The following KCNN2 variants were observed in gnomAD, a reference collection of about 807,000 sequenced individuals.
KCNN2 encodes potassium calcium-activated channel subfamily N member 2.
Under a neutral mutation model 55.5 loss-of-function variants are expected in KCNN2, and 24 were observed. The ratio of observed to expected loss-of-function variants is 0.43; its 90% CI spans 0.31 to 0.61. KCNN2 has a LOEUF of 0.61. Ranked by LOEUF, KCNN2 falls within the 20% of genes least tolerant of loss-of-function variation. The pLI, the probability that KCNN2 is intolerant of heterozygous loss-of-function variation, is 0.08. For missense variants in KCNN2, 754 were observed against 853.6 expected, an observed-to-expected ratio of 0.88 and a Z score of 1.45; for synonymous variants, 431 against 336.1, an observed-to-expected ratio of 1.28 and a Z score of -3.09.
intron 1 of KCNN2, among the ~76,000 whole-genome samples, chr5:114,153,819 C>T (rs1221417345): frequency 1.3e-5 from 2 of 152,172 alleles, no homozygotes; most frequent in African/African-American, 2.4e-5. Flanking sequence ...CAAACGATCT[C>T]CAGGAAGAGA....
At chr5:114,441,423 A>G (rs1304245292) in intron 3 of KCNN2, among the ~76,000 whole-genome samples, 1 of 152,188 alleles carries the variant, frequency 6.6e-6, no homozygotes, top group Non-Finnish European at 1.5e-5. Flanking sequence ...ACCATATGTG[A>G]TGCCATAAAA....
intron 5 of KCNN2, among the ~76,000 whole-genome samples, chr5:114,473,733 A>G (rs1761853352): frequency 6.6e-6 from 1 of 152,224 alleles, no homozygotes; most frequent in Admixed American, 6.5e-5. Flanking sequence ...ACAATGTTTA[A>G]GAGCACTTTC....
At chr5:114,419,023 G>A (rs550556579) in intron 3 of KCNN2, among the ~76,000 whole-genome samples, 42 of 152,266 alleles carry the variant, frequency 2.8e-4, no homozygotes, top group Non-Finnish European at 4.1e-4. Context: ...AATTTTTTTC[G>A]TAGCTCTTTA....
chr5:114,425,348 C>T (rs1759588961), intron 3 of KCNN2, among the ~76,000 whole-genome samples: 1 of 152,164 alleles, frequency 6.6e-6, no homozygotes, highest in South Asian at 2.1e-4. Flanking sequence ...AGGACCTACA[C>T]CAACAGTCAG....
At chr5:114,238,720 G>A (rs1288739013) in intron 2 of KCNN2, among the ~76,000 whole-genome samples, 2 of 152,082 alleles carry the variant, frequency 1.3e-5, no homozygotes, top group Non-Finnish European at 2.9e-5. Context: ...AGCTGGCATG[G>A]CAATTTATGT....
chr5:114,323,053 G>T (rs1756643599), intron 2 of KCNN2, among the ~76,000 whole-genome samples: 1 of 152,196 alleles, frequency 6.6e-6, no homozygotes, highest in Admixed American at 6.5e-5. Context: ...GTGAGAGCAT[G>T]CAGTATTTGG....
At position 114,201,036 on chromosome 5, in the gene KCNN2, A is replaced by G. The variant is rs1426842493; in HGVS notation, c.-270-20444A>G. On this transcript the variant is annotated intron_variant, in intron 1 of 10. Coordinates refer to the KCNN2 transcript ENST00000512097. ...TAGGAGCTTGTAGTGGGAGTGGTGG[A>G]CCCTGTGTGTGAGTGGGTTCTTAGG... Among the ~76,000 whole-genome samples, 3 of 151,562 alleles carry G rather than the reference A, an allele frequency of 2.0e-5. No individual in the cohort carries two copies. The South Asian group carries it at 6.3e-4, about 32-fold the overall frequency.
chr5:114,201,951 G>A (rs1368894690), intron 1 of KCNN2, among the ~76,000 whole-genome samples: 1 of 149,170 alleles, frequency 6.7e-6, no homozygotes, highest in Non-Finnish European at 1.5e-5. Context: ...ACCAGAAAGG[G>A]CAGGTCCCTC....
At chr5:114,188,670 T>A (rs2112560624) in intron 1 of KCNN2, among the ~76,000 whole-genome samples, 1 of 152,184 alleles carries the variant, frequency 6.6e-6, no homozygotes, top group South Asian at 2.1e-4. Context: ...TCTTATGCAA[T>A]AACTAATTAA....
chr5:114,456,006 C>T (rs1026928902), intron 3 of KCNN2, among the ~76,000 whole-genome samples: 13 of 152,136 alleles, frequency 8.5e-5, no homozygotes, highest in Non-Finnish European at 1.8e-4. Context: ...GCTGATGTGG[C>T]GACAGCAAGG....
intron 1 of KCNN2, among the ~76,000 whole-genome samples, chr5:114,095,687 C>G (rs531033396): frequency 6.6e-6 from 1 of 152,298 alleles, no homozygotes; most frequent in African/African-American, 2.4e-5. Context: ...CTGCTTAGTA[C>G]AGCAGGCTTC....
At chr5:114,067,814 A>G (rs971096732) in intron 1 of KCNN2, among the ~76,000 whole-genome samples, 5 of 152,214 alleles carry the variant, frequency 3.3e-5, no homozygotes, top group African/African-American at 1.2e-4. Context: ...ACAACTCTCT[A>G]TATTGTTAGC....
chr5:114,132,257 G>A (rs956724450), intron 1 of KCNN2, among the ~76,000 whole-genome samples: 1 of 152,120 alleles, frequency 6.6e-6, no homozygotes, highest in Non-Finnish European at 1.5e-5. Context: ...GGCTTTTATG[G>A]TTTTGGGTTT....
At chr5:114,442,020 A>G (rs1269714874) in intron 3 of KCNN2, among the ~76,000 whole-genome samples, 5 of 152,194 alleles carry the variant, frequency 3.3e-5, no homozygotes, top group African/African-American at 9.6e-5. Context: ...CTATTTTAGT[A>G]TAGCTCAGAA....
chr5:114,439,020 T>A (rs967591831), intron 3 of KCNN2, among the ~76,000 whole-genome samples: 46 of 152,282 alleles, frequency 3.0e-4, no homozygotes, highest in African/African-American at 1.1e-3. Context: ...GTGCATGCAT[T>A]CAAATAAAAT....
intron 4 of KCNN2, among the ~76,000 whole-genome samples, chr5:114,472,785 A>C (rs1761811320): frequency 6.6e-6 from 1 of 152,154 alleles, no homozygotes. Flanking sequence ...CCAAAAATTC[A>C]CCAAGTTGCT....
At chr5:114,093,517 C>T (rs909400313) in intron 1 of KCNN2, among the ~76,000 whole-genome samples, 1 of 152,148 alleles carries the variant, frequency 6.6e-6, no homozygotes, top group Admixed American at 6.5e-5. Flanking sequence ...TACTGTATTA[C>T]TCCATTTCCA....
At chr5:114,174,055 G>GT (rs1342935129) in intron 1 of KCNN2, among the ~76,000 whole-genome samples, 1 of 152,036 alleles carries the variant, frequency 6.6e-6, no homozygotes, top group East Asian at 1.9e-4. Context: ...AAATGAGTAT[G>GT]TTTCCCCCAA....
intron 2 of KCNN2, among the ~76,000 whole-genome samples, chr5:114,262,077 C>G (rs1016920971): frequency 2.4e-4 from 36 of 152,238 alleles, no homozygotes; most frequent in East Asian, 1.9e-4. Context: ...ATACCCCAAA[C>G]CTAAAGAGAC....
Sources: gnomAD v4.1 joint callset for allele counts (sites outside exome capture counted in the v4.1 genomes callset) on GRCh38, gnomAD v4.1.1 for gene constraint, MANE v1.5 for transcripts, NCBI Gene and HGNC (gene_info 2026-07-23, HGNC 2026-07-21) for gene names.